USP6NL: variants seen among roughly 807,000 people sequenced by gnomAD.
USP6NL encodes USP6 N-terminal like.
A neutral mutation model predicts 61.9 loss-of-function variants in USP6NL; 26 were observed. The ratio of observed to expected loss-of-function variants is 0.42; its 90% CI spans 0.31 to 0.58. The LOEUF (loss-of-function observed/expected upper bound fraction) is 0.58, where lower values mean the gene tolerates loss of function less well. Ranked by LOEUF, USP6NL falls within the 20% of genes least tolerant of loss-of-function variation. The probability of loss-of-function intolerance (pLI) is 0.16; values close to 1 mark genes in which losing one functional copy is unlikely to be tolerated. For synonymous variants in USP6NL, 432 were observed against 390.1 expected (o/e 1.11, Z -1.27); for missense variants, 1,114 against 1,034.3 (o/e 1.08, Z -1.06).
chr10:11,462,581 C>A lies in USP6NL; in HGVS notation c.2347G>T (p.Asp783Tyr). The change falls in exon 15 of 15, where the codon GAT becomes TAT. Residue 783 changes from aspartate (D) to tyrosine (Y), a missense_variant. By Grantham distance (160) the Asp-to-Tyr change is radical (BLOSUM62 -3). Coordinates refer to ENST00000609104, the MANE Select transcript of USP6NL (RefSeq NM_014688.5). ...GAAGCTTTATATCTCACGGGACTAT[C>A]TACAGAAACTGCAGGGAGGCCATGG... is the stretch of plus-strand genomic sequence containing the variant. ...QDHGLPAVSV[D>Y]SPVRYKASPA... 6.2e-7 allele frequency: 1 copy of A among 1,614,014 alleles called. No individual in the cohort carries two copies. Among genetic ancestry groups the A allele is most frequent in the Non-Finnish European group, 8.5e-7 (1 of 1,179,898 alleles).
chr10:11,469,346 A>G (rs1250089959), intron 14 of USP6NL, among the ~76,000 whole-genome samples: 2 of 152,222 alleles, frequency 1.3e-5, no homozygotes, highest in East Asian at 1.9e-4. Flanking sequence ...TATTCATATG[A>G]GTTAGAGTAA....
intron 2 of USP6NL, chr10:11,563,165 A>T (rs1336610724): frequency 2.0e-5 from 3 of 152,190 alleles, no homozygotes; most frequent in African/African-American, 7.2e-5. Context: ...ACTAAGTTTT[A>T]AAAAATCCCC....
At position 11,530,391 on chromosome 10, in the gene USP6NL, AT is replaced by A. The variant is rs1835608471; in HGVS notation, c.5-2825del. Among the ~76,000 whole-genome samples the A allele has an allele frequency of 2.0e-5, 3 of 152,342 alleles. No homozygotes were observed. In the South Asian group the frequency reaches 6.2e-4, roughly 32 times the overall value. On this transcript the variant is annotated intron_variant, in intron 2 of 14. Transcript: ENST00000609104. ...ACGCAACATATCCCAAGAAAATGTC[AT>A]TGTGGCAAACTATAAAATATAAAGC... is the stretch of plus-strand genomic sequence containing the variant.
At chr10:11,471,626 C>T (rs1325736888) in intron 14 of USP6NL, among the ~76,000 whole-genome samples, 1 of 152,118 alleles carries the variant, frequency 6.6e-6, no homozygotes, top group Non-Finnish European at 1.5e-5. Context: ...CACATATACA[C>T]CACGGAATAC....
In USP6NL at chr10:11,600,552, T is replaced by C. The variant is rs1197112826; in HGVS notation, c.-83-2835A>G. ...AGATGACTAATACAGACAGTAAAGA[T>C]AGTAATTTTAAATTCAAATTTAAAA... is the stretch of plus-strand genomic sequence containing the variant. On this transcript the variant is annotated intron_variant, in intron 1 of 14. Coordinates refer to ENST00000609104, the MANE Select transcript of USP6NL (RefSeq NM_014688.5). This position sits in a 1 kb window ranked among gnomAD's most constrained non-coding sequence, Gnocchi z 4.1. 7.9e-5 allele frequency among the ~76,000 whole-genome samples: 12 copies of C among 152,222 alleles called. No homozygotes were observed. The highest frequency in any genetic ancestry group is 2.1e-4 in the South Asian group (1 of 4,834).
At chr10:11,590,106 G>C (rs1246730280) in intron 2 of USP6NL, among the ~76,000 whole-genome samples, 1 of 152,144 alleles carries the variant, frequency 6.6e-6, no homozygotes, top group Non-Finnish European at 1.5e-5. Flanking sequence ...TTATGGCTCA[G>C]TGCTTAAAAG....
chr10:11,578,468 C>T (rs913271471), intron 2 of USP6NL, among the ~76,000 whole-genome samples: 1 of 152,076 alleles, frequency 6.6e-6, no homozygotes, highest in Non-Finnish European at 1.5e-5. Context: ...TTGCTTTAAG[C>T]CTTTTATAGA....
In USP6NL at chr10:11,587,835, A is replaced by C. The variant is rs1231631534; in HGVS notation, c.4+9796T>G. Among the ~76,000 whole-genome samples the C allele has an allele frequency of 6.6e-6, 1 of 152,222 alleles. No individual in the cohort carries two copies. The highest frequency in any genetic ancestry group is 1.9e-4 in the East Asian group (1 of 5,196). ...ATATTCTAGAAAATATTTCATTGTC[A>C]ATTTTTTCTCAAGACTTTGTAATAA... On this transcript the variant is annotated intron_variant, in intron 2 of 14. Coordinates refer to ENST00000609104, the MANE Select transcript of USP6NL (RefSeq NM_014688.5). This position sits in a 1 kb window ranked among gnomAD's most constrained non-coding sequence, Gnocchi z 4.5.
At chr10:11,509,367 C>A (rs982192862) in intron 6 of USP6NL, among the ~76,000 whole-genome samples, 2 of 152,306 alleles carry the variant, frequency 1.3e-5, no homozygotes, top group Admixed American at 6.5e-5. Flanking sequence ...GAAACCCATC[C>A]CACCTCTGAA....
chr10:11,462,873 G>GT lies in USP6NL; in HGVS notation c.2054dup (p.Tyr685Ter). The GT allele has an allele frequency of 6.2e-7, 1 of 1,613,856 alleles. No individual in the cohort carries two copies. Residue 685 changes from tyrosine to a stop codon, truncating the protein, a stop_gained and frameshift_variant, in exon 15 of 15, where the codon TAC becomes TAAC. Coordinates refer to ENST00000609104, the MANE Select transcript of USP6NL (RefSeq NM_014688.5). LOFTEE classifies it low-confidence loss of function (END_TRUNC). Reference protein sequence around the residue: ...LSVSASPEKSYSRPSPLVLPS... With the variant: ...LSVSASPEKS ...GCAGTACAAGGGGGCTTGGGCGGCT[G>GT]TAAGATTTCTCCGGAGAAGCACTGA...
rs1834607547 is a variant in USP6NL, at chr10:11,509,579, C to A, written c.276+16G>T. ...GTTTATATAGTTTCATATGGAAAAA[C>A]ATGATTTTAAATTACCTTTTCAGTG... is the stretch of plus-strand genomic sequence containing the variant. On this transcript the variant is annotated intron_variant, in intron 6 of 14. Transcript: ENST00000609104. The A allele has an allele frequency of 6.5e-7, 1 of 1,532,110 alleles. No individual in the cohort carries two copies. Among genetic ancestry groups the A allele is most frequent in the East Asian group, 2.4e-5 (1 of 41,340 alleles). The allele number at this position is 1,532,110 out of a possible 1,614,324, so 94.9% of individuals were successfully genotyped here. A position where few individuals can be genotyped will look rare whatever the true frequency, so the allele number is the denominator to read the frequency against.
rs1352681972 is a variant in USP6NL, at chr10:11,574,275, A to G, written c.4+23356T>C. Among the ~76,000 whole-genome samples the G allele has an allele frequency of 6.6e-6, 1 of 152,222 alleles. No individual in the cohort carries two copies. The highest frequency in any genetic ancestry group is 1.9e-4 in the East Asian group (1 of 5,204). On this transcript the variant is annotated intron_variant, in intron 2 of 14. Transcript: ENST00000609104. This position sits in a 1 kb window ranked among gnomAD's most constrained non-coding sequence, Gnocchi z 4.3. Reference sequence around the variant, plus strand: ...TTTGCATAAAAGATATGGTGCCTCAAAAATATCCTATAAATTCCTTGTCCT... The same window carrying G: ...TTTGCATAAAAGATATGGTGCCTCAGAAATATCCTATAAATTCCTTGTCCT...
chr10:11,541,253 ATATATATATATATATATATATATG>A (rs1252631322), intron 2 of USP6NL, among the ~76,000 whole-genome samples: 1 of 126,894 alleles, frequency 7.9e-6, no homozygotes, highest in Non-Finnish European at 1.7e-5. Context: ...ATATATATAT[ATATATATATATATATATATATATG>A]TATGTCACTC....
Position 11,487,977 on chromosome 10 carries a change from C to T in USP6NL, c.664+1125G>A, listed in dbSNP as rs1172304209. On this transcript the variant is annotated intron_variant, in intron 10 of 14. Transcript: ENST00000609104. This position sits in a 1 kb window ranked among gnomAD's most constrained non-coding sequence, Gnocchi z 4.2. ...ACAAACTGAACTTGGAAGATCCATT[C>T]TTAGAATAACTAGTGTTAAAATTAT... 6.6e-6 allele frequency among the ~76,000 whole-genome samples: 1 copy of T among 152,150 alleles called. No individual in the cohort carries two copies. Among genetic ancestry groups the T allele is most frequent in the Non-Finnish European group, 1.5e-5 (1 of 68,028 alleles).
intron 2 of USP6NL, among the ~76,000 whole-genome samples, chr10:11,560,948 A>G (rs1428807744): frequency 6.6e-6 from 1 of 152,014 alleles, no homozygotes; most frequent in Non-Finnish European, 1.5e-5. Context: ...CTAATAATGT[A>G]CAAGAAGTAA....
Position 11,562,343 on chromosome 10 carries a change from T to G in USP6NL, c.5-34776A>C, listed in dbSNP as rs768861638. ...TGTGACACAGTTCCGGCTGATGGCT[T>G]AAGGAAAAGCTTTTGCATTCCTTAC... On this transcript the variant is annotated intron_variant, in intron 2 of 14. Coordinates refer to ENST00000609104, the MANE Select transcript of USP6NL (RefSeq NM_014688.5). This position sits in a 1 kb window ranked among gnomAD's most constrained non-coding sequence, Gnocchi z 4.8. 3.1e-6 allele frequency: 3 copies of G among 981,870 alleles called. No homozygotes were observed. The highest frequency in any genetic ancestry group is 3.6e-6 in the Non-Finnish European group (3 of 826,670). 60.8% of individuals were successfully genotyped at this position (981,870 alleles called of 1,614,324 possible). A position where few individuals can be genotyped will look rare whatever the true frequency, so the allele number is the denominator to read the frequency against.
At chr10:11,578,396 T>G (rs966640616) in intron 2 of USP6NL, among the ~76,000 whole-genome samples, 5 of 152,350 alleles carry the variant, frequency 3.3e-5, no homozygotes, top group Non-Finnish European at 7.3e-5. Context: ...CTAACCGGCA[T>G]ACTTTTCTAC....
intron 14 of USP6NL, among the ~76,000 whole-genome samples, chr10:11,480,165 C>T (rs145829117): frequency 6.6e-6 from 1 of 152,270 alleles, no homozygotes; most frequent in East Asian, 1.9e-4. Context: ...TTACAGACTA[C>T]TGCTACTAGG....
chr10:11,577,758 C>T (rs537982248), intron 2 of USP6NL, among the ~76,000 whole-genome samples: 163 of 152,180 alleles, frequency 1.1e-3, no homozygotes, highest in Middle Eastern at 6.8e-3. Context: ...GCCTCGGCCC[C>T]CCAAAGTACT....
Sources: gnomAD v4.1 joint callset for allele counts (sites outside exome capture counted in the v4.1 genomes callset) on GRCh38, gnomAD v4.1.1 for gene constraint, Gnocchi (gnomAD v3.1) non-coding constraint, MANE v1.5 for transcripts, NCBI Gene and HGNC (gene_info 2026-07-23, HGNC 2026-07-21) for gene names.